STK3: variants seen among roughly 807,000 people sequenced by gnomAD.
STK3 encodes the protein serine/threonine-protein kinase 3.
Under a neutral mutation model 58.0 loss-of-function variants are expected in STK3, and 41 were observed. The ratio of observed to expected loss-of-function variants is 0.71; its 90% confidence interval spans 0.55 to 0.92. STK3 has a LOEUF of 0.92. Ranked by LOEUF, STK3 falls within the 40% of genes least tolerant of loss-of-function variation. The probability of loss-of-function intolerance (pLI) is 0.00; values close to 1 mark genes in which losing one functional copy is unlikely to be tolerated. For synonymous variants in STK3, 170 were observed against 191.0 expected, an observed-to-expected ratio of 0.89 and a Z score of 0.91; for missense variants, 479 against 602.7, an observed-to-expected ratio of 0.79 and a Z score of 2.15.
chr8:98,916,370 C>T (rs563077739), intron 1 of STK3, among the ~76,000 whole-genome samples: 22 of 152,234 alleles, frequency 1.4e-4, no homozygotes, highest in South Asian at 4.1e-4. Context: ...GCTGAGATCA[C>T]GCCACTGCAC....
chr8:98,621,723 A>C (rs1170579194), intron 6 of STK3, among the ~76,000 whole-genome samples: 1 of 152,012 alleles, frequency 6.6e-6, no homozygotes, highest in African/African-American at 2.4e-5. Flanking sequence ...CCCACCCAAC[A>C]ACCCAGCTGT....
intron 6 of STK3, among the ~76,000 whole-genome samples, chr8:98,631,789 A>G (rs1819268325): frequency 1.3e-5 from 2 of 152,024 alleles, no homozygotes; most frequent in East Asian, 3.9e-4. Context: ...CTCAGCCTCC[A>G]AAGTAGCTGG....
intron 4 of STK3, among the ~76,000 whole-genome samples, chr8:98,714,723 A>G (rs1448272722): frequency 6.6e-6 from 1 of 152,210 alleles, no homozygotes. Flanking sequence ...TAATTTATAG[A>G]TTCAATGCCA....
At chr8:98,460,190 T>C (rs1264995746) in intron 10 of STK3, among the ~76,000 whole-genome samples, 1 of 152,250 alleles carries the variant, frequency 6.6e-6, no homozygotes, top group African/African-American at 2.4e-5. Context: ...TGCATCAATG[T>C]GACCCGGATG....
At chr8:98,537,374 G>A (rs1220067253) in intron 9 of STK3, among the ~76,000 whole-genome samples, 1 of 152,090 alleles carries the variant, frequency 6.6e-6, no homozygotes, top group Non-Finnish European at 1.5e-5. Context: ...AGCTGCAATT[G>A]CCCAGTAATG....
intron 1 of STK3, among the ~76,000 whole-genome samples, chr8:98,439,951 C>T (rs1818630835): frequency 6.6e-6 from 1 of 152,280 alleles, no homozygotes; most frequent in East Asian, 1.9e-4. Flanking sequence ...ATATTGGGCA[C>T]AACACGGCAC....
At chr8:98,823,928 A>G (rs1835074076) in intron 1 of STK3, among the ~76,000 whole-genome samples, 1 of 152,188 alleles carries the variant, frequency 6.6e-6, no homozygotes, top group Admixed American at 6.5e-5. Context: ...TTATTAGGAG[A>G]TAATAATCAA....
intron 6 of STK3, among the ~76,000 whole-genome samples, chr8:98,636,283 T>C (rs574808414): frequency 9.2e-5 from 14 of 152,250 alleles, no homozygotes; most frequent in Admixed American, 2.6e-4. Context: ...ATTCTACCAC[T>C]GCAATTATAC....
chr8:98,858,466 C>T (rs192130426), intron 3 of STK3, among the ~76,000 whole-genome samples: 20 of 149,976 alleles, frequency 1.3e-4, no homozygotes, highest in African/African-American at 4.2e-4. Context: ...CACATCCATC[C>T]GGTAATTTTT....
chr8:98,887,707 G>A (rs959458744), intron 1 of STK3, among the ~76,000 whole-genome samples: 2 of 152,156 alleles, frequency 1.3e-5, no homozygotes, highest in African/African-American at 4.8e-5. Context: ...AGATGTACAT[G>A]AGATAACTAT....
chr8:98,406,459 C>T lies in STK3; in HGVS notation n.484-4946G>A, dbSNP rs187363548. ...CCTTCCCCTACTCCCAACCTCCCCC[C>T]TCTAGGGTTCCCCAGTGTCTACTGT... On this transcript the variant is annotated intron_variant and non_coding_transcript_variant, in intron 3 of 3. Transcript: ENST00000517832. Among the ~76,000 whole-genome samples, 33 of 152,160 alleles carry T rather than the reference C, an allele frequency of 2.2e-4. No individual in the cohort carries two copies. In the East Asian group the frequency reaches 4.4e-3, roughly 20 times the overall value.
At chr8:98,539,026 C>T (rs768006763) in intron 9 of STK3, among the ~76,000 whole-genome samples, 8 of 152,246 alleles carry the variant, frequency 5.3e-5, no homozygotes, top group East Asian at 1.9e-4. Flanking sequence ...TGTCATATCC[C>T]GGGCAACATT....
At chr8:98,557,299 G>A (rs769313275) in intron 8 of STK3, among the ~76,000 whole-genome samples, 1 of 151,920 alleles carries the variant, frequency 6.6e-6, no homozygotes, top group Non-Finnish European at 1.5e-5. Context: ...TTGCTTGTAT[G>A]TCTCGAATCA....
intron 1 of STK3, among the ~76,000 whole-genome samples, chr8:98,901,048 A>G (rs1290335887): frequency 6.6e-6 from 1 of 152,204 alleles, no homozygotes; most frequent in Non-Finnish European, 1.5e-5. Context: ...CATCCTATTT[A>G]TGCTTAGCAT....
chr8:98,526,255 C>T (rs1361291171), intron 10 of STK3, among the ~76,000 whole-genome samples: 1 of 151,840 alleles, frequency 6.6e-6, no homozygotes, highest in Non-Finnish European at 1.5e-5. Flanking sequence ...TTTATATGCT[C>T]CTAGGTACAG....
At chr8:98,667,529 T>C (rs1279566523) in intron 6 of STK3, among the ~76,000 whole-genome samples, 1 of 152,152 alleles carries the variant, frequency 6.6e-6, no homozygotes, top group Admixed American at 6.5e-5. Flanking sequence ...ATTTTAACTG[T>C]AACAAATTTT....
intron 6 of STK3, among the ~76,000 whole-genome samples, chr8:98,614,910 G>C (rs899632763): frequency 6.6e-6 from 1 of 152,186 alleles, no homozygotes; most frequent in East Asian, 1.9e-4. Context: ...GCCCGGGCTT[G>C]CTTAGGTAAA....
At chr8:98,546,302 ACAT>A (rs1351244599) in intron 9 of STK3, among the ~76,000 whole-genome samples, 3 of 152,204 alleles carry the variant, frequency 2.0e-5, no homozygotes, top group Admixed American at 6.5e-5. Context: ...GATGTCGGAA[ACAT>A]CATCATTAGT....
At chr8:98,665,772 C>T (rs1298440971) in intron 6 of STK3, among the ~76,000 whole-genome samples, 1 of 150,660 alleles carries the variant, frequency 6.6e-6, no homozygotes, top group Non-Finnish European at 1.5e-5. Context: ...AGCGCGATCT[C>T]GGCTCACTGC....
Sources: allele counts gnomAD v4.1 joint callset (sites outside exome capture counted in the v4.1 genomes callset), GRCh38; gene constraint gnomAD v4.1.1; transcripts MANE v1.5; gene names NCBI Gene and HGNC (gene_info 2026-07-23, HGNC 2026-07-21).